The following OPCML variants were observed in gnomAD, a reference collection of about 807,000 sequenced individuals.
OPCML encodes opioid binding protein/cell adhesion molecule like, also known as opioid-binding protein/cell adhesion molecule.
In OPCML, 13 loss-of-function variants were observed where a neutral mutation model predicts 37.8. The ratio of observed to expected loss-of-function variants is 0.34; its 90% CI spans 0.22 to 0.55. The LOEUF (loss-of-function observed/expected upper bound fraction) is 0.55. Among genes scored for constraint, OPCML ranks in the 20% least tolerant of loss-of-function variants. The pLI is 0.91. For missense variants in OPCML, 341 were observed against 435.6 expected (o/e 0.78, Z 1.93); for synonymous variants, 176 against 168.8 (o/e 1.04, Z -0.33).
At chr11:133,456,387 A>G (rs12294757) in intron 1 of OPCML, among the ~76,000 whole-genome samples, 20,074 of 151,994 alleles carry the variant, frequency 0.13, 3,148 homozygotes, top group African/African-American at 0.37. Context: ...AGGCCCCCTG[A>G]TTAGTGAAGC....
intron 3 of OPCML, among the ~76,000 whole-genome samples, chr11:132,542,284 C>A (rs2096358507): frequency 6.6e-6 from 1 of 152,186 alleles, no homozygotes; most frequent in Admixed American, 6.5e-5. Context: ...TTTCATGCCC[C>A]TCCTTGTCTC....
intron 1 of OPCML, among the ~76,000 whole-genome samples, chr11:133,414,024 GCT>G (rs1451487187): frequency 6.6e-6 from 1 of 152,166 alleles, no homozygotes; most frequent in Non-Finnish European, 1.5e-5. Context: ...ATGTGTGTGT[GCT>G]TAGAGCCAGG....
intron 2 of OPCML, among the ~76,000 whole-genome samples, chr11:132,718,959 A>G (rs1944585102): frequency 6.6e-6 from 1 of 152,226 alleles, no homozygotes; most frequent in Non-Finnish European, 1.5e-5. Context: ...ACAGAAGCAT[A>G]GCTTCATGGC....
chr11:133,429,971 G>A (rs1054607228), intron 1 of OPCML, among the ~76,000 whole-genome samples: 3 of 152,124 alleles, frequency 2.0e-5, no homozygotes, highest in East Asian at 1.9e-4. Context: ...GGATGGAAGC[G>A]GGGTAGAAGT....
At chr11:132,725,872 C>A (rs544283163) in intron 2 of OPCML, among the ~76,000 whole-genome samples, 1 of 152,098 alleles carries the variant, frequency 6.6e-6, no homozygotes, top group East Asian at 1.9e-4. Context: ...TAGGCAGGGG[C>A]AAAATGCTAC....
At chr11:132,667,304 A>G (rs991091392) in intron 2 of OPCML, among the ~76,000 whole-genome samples, 1 of 152,212 alleles carries the variant, frequency 6.6e-6, no homozygotes, top group African/African-American at 2.4e-5. Flanking sequence ...GTTAGCCTGC[A>G]TATCACCTGT....
At chr11:133,118,704 C>A (rs1427449436) in intron 1 of OPCML, among the ~76,000 whole-genome samples, 1 of 152,078 alleles carries the variant, frequency 6.6e-6, no homozygotes, top group Non-Finnish European at 1.5e-5. Context: ...CACAGAACTC[C>A]CACTCACCCT....
In OPCML at chr11:132,837,948, C is replaced by T. The variant is rs148586201; in HGVS notation, c.146+104978G>A. 5.5e-3 allele frequency among the ~76,000 whole-genome samples: 842 copies of T among 152,282 alleles called. 8 individuals carry two copies. Among genetic ancestry groups the T allele is most frequent in the African/African-American group, 0.019 (795 of 41,572 alleles). On this transcript the variant is annotated intron_variant, in intron 2 of 7. Transcript: ENST00000524381. ...GAGGGCCTCACGTTCAATGCCAGGC[C>T]GCTGTCACGTCATCCTAGTTTAATT...
At chr11:133,325,037 G>A (rs1347115066) in intron 1 of OPCML, among the ~76,000 whole-genome samples, 1 of 152,104 alleles carries the variant, frequency 6.6e-6, no homozygotes, top group Non-Finnish European at 1.5e-5. Flanking sequence ...TATATTCTGG[G>A]TTCTCTGGAT....
At chr11:133,166,305 A>C (rs1480983963) in intron 1 of OPCML, among the ~76,000 whole-genome samples, 1 of 152,184 alleles carries the variant, frequency 6.6e-6, no homozygotes, top group Non-Finnish European at 1.5e-5. Flanking sequence ...CCTTACATGC[A>C]CTAGTTCATT....
intron 3 of OPCML, among the ~76,000 whole-genome samples, chr11:132,572,139 G>T (rs537389411): frequency 1.3e-5 from 2 of 150,616 alleles, no homozygotes; most frequent in Non-Finnish European, 3.0e-5. Flanking sequence ...TGAGTTGTAC[G>T]AGTTCTTTAC....
At chr11:132,729,509 A>G (rs1222489510) in intron 2 of OPCML, among the ~76,000 whole-genome samples, 1 of 152,186 alleles carries the variant, frequency 6.6e-6, no homozygotes, top group Non-Finnish European at 1.5e-5. Flanking sequence ...ATGTTACTCC[A>G]GTAGCTGTGT....
chr11:133,493,974 C>T (rs142054993), intron 1 of OPCML, among the ~76,000 whole-genome samples: 3,131 of 151,314 alleles, frequency 0.021, 41 homozygotes, highest in Middle Eastern at 0.041. Flanking sequence ...TGACAAAGGG[C>T]CAATATCCAG....
At chr11:132,432,378 T>C (rs1258272402) in intron 7 of OPCML, among the ~76,000 whole-genome samples, 4 of 152,138 alleles carry the variant, frequency 2.6e-5, no homozygotes, top group African/African-American at 9.7e-5. Flanking sequence ...ATCTGTCTGA[T>C]CTTGTGCTGA....
At chr11:133,080,596 A>G (rs1162525157) in intron 1 of OPCML, among the ~76,000 whole-genome samples, 2 of 150,996 alleles carry the variant, frequency 1.3e-5, no homozygotes, top group Admixed American at 6.6e-5. Flanking sequence ...GGGGTGCCAT[A>G]TTCACACATT....
At chr11:133,268,863 A>G (rs1458778091) in intron 1 of OPCML, among the ~76,000 whole-genome samples, 1 of 152,228 alleles carries the variant, frequency 6.6e-6, no homozygotes, top group African/African-American at 2.4e-5. Context: ...TAATGCACAC[A>G]TTTCTCTGAA....
At chr11:133,180,369 A>G (rs1937767247) in intron 1 of OPCML, among the ~76,000 whole-genome samples, 1 of 152,148 alleles carries the variant, frequency 6.6e-6, no homozygotes, top group South Asian at 2.1e-4. Context: ...GCAGCAGCTG[A>G]TTGCAAAAGC....
intron 1 of OPCML, among the ~76,000 whole-genome samples, chr11:133,160,725 G>T (rs1265767512): frequency 1.3e-5 from 2 of 152,238 alleles, no homozygotes; most frequent in South Asian, 4.1e-4. Flanking sequence ...GACCCCTCCA[G>T]ATTTGGCCTG....
intron 2 of OPCML, among the ~76,000 whole-genome samples, chr11:132,869,404 G>A (rs752004053): frequency 1.3e-5 from 2 of 152,138 alleles, no homozygotes; most frequent in Non-Finnish European, 2.9e-5. Context: ...TTATATAACA[G>A]AGCAAAGTGA....
Sources: allele counts gnomAD v4.1 joint callset (sites outside exome capture counted in the v4.1 genomes callset), GRCh38; gene constraint gnomAD v4.1.1; transcripts MANE v1.5; gene names NCBI Gene and HGNC (gene_info 2026-07-23, HGNC 2026-07-21).